The following BMP7 variants were observed in gnomAD, a reference collection of about 807,000 sequenced individuals.
BMP7 encodes the protein bone morphogenetic protein 7, also known as osteogenic protein 1.
Under a neutral mutation model 41.2 loss-of-function variants are expected in BMP7, and 12 were observed. The observed-to-expected ratio is 0.29, with a 90% CI of 0.19 to 0.47. BMP7 has a LOEUF of 0.47. Ranked by LOEUF, BMP7 falls within the 20% of genes least tolerant of loss-of-function variation. BMP7 has a pLI of 0.99. For synonymous variants in BMP7, 248 were observed against 250.0 expected (o/e 0.99, Z 0.07); for missense variants, 467 against 606.0 (o/e 0.77, Z 2.41).
Position 57,215,445 on chromosome 20 carries a change from T to C in BMP7, c.611+12784A>G, listed in dbSNP as rs1452089109. ...GACTCTTGTCCCTCTTTGCTTAAGA[T>C]ATCAGGGTTTGAGCCCCAGAATTTC... is the stretch of plus-strand genomic sequence containing the variant. On this transcript the variant is annotated intron_variant, in intron 2 of 6. Transcript: ENST00000395863. The surrounding 1 kb of genome is among the most constrained non-coding windows in gnomAD (Gnocchi z 4.2). The C allele has an allele frequency of 2.6e-5, 4 of 152,248 alleles. No homozygotes were observed. Among genetic ancestry groups the C allele is most frequent in the African/African-American group, 7.2e-5 (3 of 41,448 alleles). The allele number at this position is 152,248 out of a possible 1,614,324, so 9.4% of individuals were successfully genotyped here.
intron 3 of BMP7, among the ~76,000 whole-genome samples, chr20:57,184,768 CAG>C (rs1192184066): frequency 2.6e-5 from 4 of 152,110 alleles, no homozygotes; most frequent in African/African-American, 9.7e-5. Context: ...CAGATGCAGA[CAG>C]CCTGGGGAAG....
At position 57,215,975 on chromosome 20, in the gene BMP7, G is replaced by A. The variant is rs1985005978; in HGVS notation, c.611+12254C>T. 6.6e-6 allele frequency: 1 copy of A among 151,988 alleles called. No homozygotes were observed. Among genetic ancestry groups the A allele is most frequent in the Non-Finnish European group, 1.5e-5 (1 of 68,006 alleles). 9.4% of individuals were successfully genotyped at this position (151,988 alleles called of 1,614,324 possible). Reference sequence around the variant, plus strand: ...AGACAGAAAAAGTGCAGCAAAGCAGGGCGACAAGGGGAAAGAAACTTGACA... The same window carrying A: ...AGACAGAAAAAGTGCAGCAAAGCAGAGCGACAAGGGGAAAGAAACTTGACA... On this transcript the variant is annotated intron_variant, in intron 2 of 6. Transcript: ENST00000395863. This position sits in a 1 kb window ranked among gnomAD's most constrained non-coding sequence, Gnocchi z 4.2.
At chr20:57,180,309 G>A (rs1300418651) in intron 4 of BMP7, among the ~76,000 whole-genome samples, 1 of 76,846 alleles carries the variant, frequency 1.3e-5, no homozygotes, top group Non-Finnish European at 2.5e-5. Flanking sequence ...CCCTGCTTCA[G>A]CCCCCACAGC....
chr20:57,217,896 GCTGTGT>G (rs1372596205), intron 2 of BMP7, among the ~76,000 whole-genome samples: 2 of 152,242 alleles, frequency 1.3e-5, no homozygotes, highest in African/African-American at 2.4e-5. Flanking sequence ...GCATCTGTGT[GCTGTGT>G]CTGTGTCTGT....
intron 3 of BMP7, among the ~76,000 whole-genome samples, chr20:57,188,370 C>T (rs55756197): frequency 0.066 from 10,039 of 152,204 alleles, 467 homozygotes; most frequent in South Asian, 0.13. Flanking sequence ...ATTGAATGAT[C>T]CTATTTCTAT....
chr20:57,190,927 G>C (rs563161953), intron 3 of BMP7, among the ~76,000 whole-genome samples: 1 of 152,278 alleles, frequency 6.6e-6, no homozygotes, highest in African/African-American at 2.4e-5. Flanking sequence ...GGCATGGTGG[G>C]ATGTTTAGCA....
intron 4 of BMP7, among the ~76,000 whole-genome samples, chr20:57,175,214 G>A (rs1343360381): frequency 6.6e-6 from 1 of 152,188 alleles, no homozygotes; most frequent in East Asian, 1.9e-4. Flanking sequence ...ACTAAGGGAG[G>A]TGCCAATGCC....
intron 3 of BMP7, among the ~76,000 whole-genome samples, chr20:57,194,201 A>G (rs554699557): frequency 2.6e-5 from 4 of 152,294 alleles, no homozygotes; most frequent in Admixed American, 2.0e-4. Flanking sequence ...CACATTGCCA[A>G]CCATGATGAG....
chr20:57,210,414 C>CT (rs1984851274), intron 2 of BMP7, among the ~76,000 whole-genome samples: 1 of 152,228 alleles, frequency 6.6e-6, no homozygotes, highest in South Asian at 2.1e-4. Context: ...ATTTTAAAAT[C>CT]TCAAACGTGG....
intron 1 of BMP7, among the ~76,000 whole-genome samples, chr20:57,256,781 C>T (rs946712406): frequency 2.6e-5 from 4 of 151,930 alleles, no homozygotes; most frequent in East Asian, 1.9e-4. Context: ...CTAGCAACTT[C>T]GGAGGCTGAG....
intron 3 of BMP7, among the ~76,000 whole-genome samples, chr20:57,191,223 A>T (rs925887824): frequency 1.3e-5 from 2 of 152,198 alleles, no homozygotes; most frequent in Non-Finnish European, 2.9e-5. Flanking sequence ...CAGTGCCTGA[A>T]GATTCATTTA....
intron 1 of BMP7, among the ~76,000 whole-genome samples, chr20:57,253,531 C>T (rs758504372): frequency 2.0e-5 from 3 of 152,080 alleles, no homozygotes; most frequent in Non-Finnish European, 4.4e-5. Context: ...CTTTTACTTG[C>T]TGAGTCCCTG....
At position 57,252,802 on chromosome 20, in the gene BMP7, T is replaced by C. The variant is rs550887995; in HGVS notation, c.418+12903A>G. ...TGCGTTTGAGGCTAAGGCTCCCAGA[T>C]GAATTCCCAAGGTTGAGGCAAGTTA... is the stretch of plus-strand genomic sequence containing the variant. On this transcript the variant is annotated intron_variant, in intron 1 of 6. Coordinates refer to ENST00000395863, the MANE Select transcript of BMP7 (RefSeq NM_001719.3). Among the ~76,000 whole-genome samples the C allele has an allele frequency of 2.6e-5, 4 of 152,298 alleles. No homozygotes were observed. The South Asian group carries it at 8.3e-4, about 32-fold the overall frequency.
chr20:57,196,107 A>G (rs1283229601), intron 3 of BMP7, among the ~76,000 whole-genome samples: 1 of 152,178 alleles, frequency 6.6e-6, no homozygotes. Context: ...CAAACAAGGA[A>G]GAGGAGGGAG....
At chr20:57,263,146 G>A (rs1001836553) in intron 1 of BMP7, among the ~76,000 whole-genome samples, 18 of 152,210 alleles carry the variant, frequency 1.2e-4, no homozygotes, top group Non-Finnish European at 2.4e-4. Flanking sequence ...GACAGAGAGA[G>A]AAAGAAAACA....
chr20:57,232,665 A>T (rs1188197899), intron 1 of BMP7, among the ~76,000 whole-genome samples: 1 of 152,202 alleles, frequency 6.6e-6, no homozygotes, highest in Non-Finnish European at 1.5e-5. Flanking sequence ...TAAAGTGAGG[A>T]ACTAAATTTC....
intron 2 of BMP7, among the ~76,000 whole-genome samples, chr20:57,209,772 AG>A (rs1984836997): frequency 6.6e-6 from 1 of 152,376 alleles, no homozygotes; most frequent in East Asian, 1.9e-4. Context: ...CCAGAGTGGT[AG>A]CAACAATTCA....
At chr20:57,181,320 T>C (rs748037750) in intron 4 of BMP7, among the ~76,000 whole-genome samples, 1 of 151,818 alleles carries the variant, frequency 6.6e-6, no homozygotes, top group Non-Finnish European at 1.5e-5. Flanking sequence ...GCCTAGGCAA[T>C]ATAGGGAGGC....
At chr20:57,225,451 G>A (rs56788564) in intron 2 of BMP7, among the ~76,000 whole-genome samples, 1 of 152,154 alleles carries the variant, frequency 6.6e-6, no homozygotes, top group East Asian at 1.9e-4. Flanking sequence ...CACTTCCTGT[G>A]TGTAAGACAC....
Sources: gnomAD v4.1 joint callset for allele counts (sites outside exome capture counted in the v4.1 genomes callset) on GRCh38, gnomAD v4.1.1 for gene constraint, Gnocchi (gnomAD v3.1) non-coding constraint, MANE v1.5 for transcripts, NCBI Gene and HGNC (gene_info 2026-07-23, HGNC 2026-07-21) for gene names.